Variants in RIMBP2 observed in about 807,000 individuals in gnomAD.
The protein encoded by RIMBP2 is RIMS binding protein 2.
A neutral mutation model predicts 118.6 loss-of-function variants in RIMBP2; 48 were observed. The ratio of observed to expected loss-of-function variants is 0.40; its 90% CI spans 0.32 to 0.51. The LOEUF (loss-of-function observed/expected upper bound fraction) is 0.51, where lower values mean the gene tolerates loss of function less well. Ranked by LOEUF, RIMBP2 falls within the 20% of genes least tolerant of loss-of-function variation. The pLI is 0.41. For missense variants in RIMBP2, 1,551 were observed against 1,768.3 expected (o/e 0.88, Z 2.20); for synonymous variants, 762 against 742.9 (o/e 1.03, Z -0.42).
chr12:130,621,439 A>G lies in RIMBP2; in HGVS notation c.-217+6883T>C, dbSNP rs1362365514. 6.6e-6 allele frequency among the ~76,000 whole-genome samples: 1 copy of G among 152,228 alleles called. No individual in the cohort carries two copies. Among genetic ancestry groups the G allele is most frequent in the East Asian group, 1.9e-4 (1 of 5,186 alleles). The stretch of plus-strand genomic sequence containing the variant: ...ATGGAGATTCCCAAAACATCGGCAG[A>G]GTTCCTGGACGTAGCCGTTCCTGAA... On this transcript the variant is annotated intron_variant, in intron 2 of 22. Coordinates refer to ENST00000690449, the MANE Select transcript of RIMBP2 (RefSeq NM_001393629.1). This position sits in a 1 kb window ranked among gnomAD's most constrained non-coding sequence, Gnocchi z 6.6.
At chr12:130,520,954 G>A (rs1221072877) in intron 2 of RIMBP2, among the ~76,000 whole-genome samples, 1 of 152,194 alleles carries the variant, frequency 6.6e-6, no homozygotes, top group African/African-American at 2.4e-5. Context: ...CCAGAGGTGG[G>A]CATGGGGACG....
In RIMBP2 at chr12:130,442,071, G is replaced by A. The variant is rs2078180167; in HGVS notation, c.1281C>T (p.Ser427=). 1 of 1,614,194 alleles carries A rather than the reference G, an allele frequency of 6.2e-7. No homozygotes were observed. The highest frequency in any genetic ancestry group is 8.5e-7 in the Non-Finnish European group (1 of 1,180,048). ...TGTAGTTGCTGTTGGTGGGTAGCCA[G>A]GAGAGCTGGGCGGAGATCTGCGTGA... ...DNITQISAQL[S]WLPTNSNYSH... The change falls in exon 11 of 23, where the codon TCC becomes TCT. Residue 427 remains serine, a synonymous_variant. Transcript: ENST00000690449. The surrounding 1 kb of genome is among the most constrained non-coding windows in gnomAD (Gnocchi z 6.9).
At chr12:130,548,104 T>C (rs2055354567) in intron 2 of RIMBP2, among the ~76,000 whole-genome samples, 1 of 151,934 alleles carries the variant, frequency 6.6e-6, no homozygotes, top group African/African-American at 2.4e-5. Context: ...GTACTCTCAT[T>C]CAAAGCATGA....
chr12:130,544,596 C>CTTTTTTTTTTT (rs35041449), intron 2 of RIMBP2, among the ~76,000 whole-genome samples: 1 of 100,526 alleles, frequency 9.9e-6, no homozygotes, highest in Non-Finnish European at 1.8e-5. Context: ...AACTGGAGGC[C>CTTTTTTTTTTT]TTTTTTTTTT....
chr12:130,529,174 A>G (rs2053116718), intron 2 of RIMBP2, among the ~76,000 whole-genome samples: 5 of 152,108 alleles, frequency 3.3e-5, no homozygotes. Flanking sequence ...AAAAAATGAC[A>G]TGCTGATTCA....
In RIMBP2 at chr12:130,683,641, A is replaced by G. The variant is rs1170772981; in HGVS notation, c.-352+32581T>C. On this transcript the variant is annotated intron_variant, in intron 1 of 22. Transcript: ENST00000690449. This position sits in a 1 kb window ranked among gnomAD's most constrained non-coding sequence, Gnocchi z 4.4. ...AAGACCTTGCGGATAAAACAGTTGC[A>G]GTAAACAAGCCGGCCAAATCCCACC... Among the ~76,000 whole-genome samples, 1 of 152,178 alleles carries G rather than the reference A, an allele frequency of 6.6e-6. No homozygotes were observed. Among genetic ancestry groups the G allele is most frequent in the Non-Finnish European group, 1.5e-5 (1 of 68,030 alleles).
At chr12:130,574,909 GAGC>G (rs1472150396) in intron 2 of RIMBP2, among the ~76,000 whole-genome samples, 1 of 152,032 alleles carries the variant, frequency 6.6e-6, no homozygotes, top group East Asian at 1.9e-4. Flanking sequence ...CATGCGTTGT[GAGC>G]AGAAGACCTG....
intron 1 of RIMBP2, among the ~76,000 whole-genome samples, chr12:130,708,022 G>T (rs2136850118): frequency 6.6e-6 from 1 of 152,210 alleles, no homozygotes; most frequent in East Asian, 1.9e-4. Flanking sequence ...GTAAACATGT[G>T]GTCCAGCCAC....
chr12:130,538,453 G>C (rs1404994024), intron 2 of RIMBP2, among the ~76,000 whole-genome samples: 3 of 151,940 alleles, frequency 2.0e-5, no homozygotes, highest in Non-Finnish European at 4.4e-5. Context: ...ATTTAAGAAA[G>C]ATCACACAGA....
intron 2 of RIMBP2, among the ~76,000 whole-genome samples, chr12:130,545,870 C>T (rs528633209): frequency 2.2e-3 from 331 of 152,218 alleles, no homozygotes; most frequent in African/African-American, 7.4e-3. Flanking sequence ...CAATACCGTT[C>T]TTATCTAGTT....
In RIMBP2 at chr12:130,597,484, G is replaced by A. The variant is rs187132292; in HGVS notation, c.-217+30838C>T. Among the ~76,000 whole-genome samples, 264 of 152,250 alleles carry A rather than the reference G, an allele frequency of 1.7e-3. 1 individual carries two copies. Among genetic ancestry groups the A allele is most frequent in the Non-Finnish European group, 2.6e-3 (174 of 68,020 alleles). On this transcript the variant is annotated intron_variant, in intron 2 of 22. Transcript: ENST00000690449. ...GTCTCAAACTCCTGAACCATGATCC[G>A]CCTGCCTCAGTCTCCCAAAGTGCTG...
intron 2 of RIMBP2, among the ~76,000 whole-genome samples, chr12:130,547,192 G>C (rs535152284): frequency 6.6e-6 from 1 of 152,160 alleles, no homozygotes; most frequent in Non-Finnish European, 1.5e-5. Flanking sequence ...GCTCAAGACA[G>C]TTAGGGCTCT....
rs530221769 is a variant in RIMBP2, at chr12:130,501,002, G to A, written c.-4+5646C>T. Among the ~76,000 whole-genome samples, 26 of 152,230 alleles carry A rather than the reference G, an allele frequency of 1.7e-4. No homozygotes were observed. The East Asian group carries it at 3.9e-3, about 23-fold the overall frequency. ...GGAGCTCTCCCACCCGAGCATCCAG[G>A]GGTCACGACACACTCCATCTCCCAC... On this transcript the variant is annotated intron_variant, in intron 4 of 22. Coordinates refer to ENST00000690449, the MANE Select transcript of RIMBP2 (RefSeq NM_001393629.1).
intron 2 of RIMBP2, among the ~76,000 whole-genome samples, chr12:130,556,090 G>T (rs950277300): frequency 1.3e-5 from 2 of 152,176 alleles, no homozygotes; most frequent in African/African-American, 4.8e-5. Flanking sequence ...ATTCTGACCG[G>T]GGAGTCAAGG....
At chr12:130,493,172 G>A (rs555272208) in intron 4 of RIMBP2, among the ~76,000 whole-genome samples, 6 of 152,144 alleles carry the variant, frequency 3.9e-5, no homozygotes, top group African/African-American at 9.6e-5. Flanking sequence ...AAAGTGACCT[G>A]CACAGGAATT....
At chr12:130,679,788 G>A (rs1271607740) in intron 1 of RIMBP2, among the ~76,000 whole-genome samples, 1 of 152,206 alleles carries the variant, frequency 6.6e-6, no homozygotes, top group Non-Finnish European at 1.5e-5. Flanking sequence ...CTCAAACAAA[G>A]AAATAAAAAA....
chr12:130,655,630 G>A (rs2063396217), intron 1 of RIMBP2, among the ~76,000 whole-genome samples: 1 of 152,214 alleles, frequency 6.6e-6, no homozygotes. Context: ...AAAAAAATGT[G>A]TGGTTACTAC....
chr12:130,618,803 G>A (rs374246517), intron 2 of RIMBP2, among the ~76,000 whole-genome samples: 6 of 152,244 alleles, frequency 3.9e-5, no homozygotes, highest in African/African-American at 1.4e-4. Context: ...GTGCACGAAC[G>A]GGATGGAGAA....
intron 1 of RIMBP2, among the ~76,000 whole-genome samples, chr12:130,667,054 A>AGG (rs368658245): frequency 8.4e-6 from 1 of 119,276 alleles, no homozygotes; most frequent in Non-Finnish European, 1.7e-5. Flanking sequence ...GGAGGGAGGG[A>AGG]GAAAAGGAAG....
Sources: gnomAD v4.1 joint callset for allele counts (sites outside exome capture counted in the v4.1 genomes callset) on GRCh38, gnomAD v4.1.1 for gene constraint, Gnocchi (gnomAD v3.1) non-coding constraint, MANE v1.5 for transcripts, NCBI Gene and HGNC (gene_info 2026-07-23, HGNC 2026-07-21) for gene names.